The following ZFHX3 variants were observed in gnomAD, a reference collection of about 807,000 sequenced individuals.
The protein encoded by ZFHX3 is zinc finger homeobox 3.
A neutral mutation model predicts 279.1 loss-of-function variants in ZFHX3; 42 were observed. The ratio of observed to expected loss-of-function variants is 0.15; its 90% CI spans 0.12 to 0.19. ZFHX3 has a LOEUF of 0.19. ZFHX3 is among the 10% of genes least tolerant of loss of function. The probability of loss-of-function intolerance (pLI) is 1.00; values close to 1 mark genes in which losing one functional copy is unlikely to be tolerated. For missense variants in ZFHX3, 4,981 were observed against 4,754.0 expected, an observed-to-expected ratio of 1.05 and a Z score of -1.40; for synonymous variants, 2,293 against 1,957.8, an observed-to-expected ratio of 1.17 and a Z score of -4.52.
chr16:73,607,037 T>G (rs1420055369), intron 2 of ZFHX3, among the ~76,000 whole-genome samples: 2 of 152,090 alleles, frequency 1.3e-5, no homozygotes, highest in African/African-American at 4.8e-5. Flanking sequence ...GATCTCTCTC[T>G]GCTTTTTTTT....
chr16:73,317,394 G>C (rs1177713617), intron 4 of ZFHX3, among the ~76,000 whole-genome samples: 1 of 152,088 alleles, frequency 6.6e-6, no homozygotes, highest in African/African-American at 2.4e-5. Context: ...AGCCATCGCT[G>C]GGCCCTTCCC....
At chr16:73,021,464 C>A (rs1482178704) in intron 1 of ZFHX3, among the ~76,000 whole-genome samples, 1 of 152,150 alleles carries the variant, frequency 6.6e-6, no homozygotes, top group African/African-American at 2.4e-5. Context: ...CAGAACATGG[C>A]CTTATTTGGA....
intron 2 of ZFHX3, among the ~76,000 whole-genome samples, chr16:73,494,353 G>C (rs575725611): frequency 6.6e-6 from 1 of 152,128 alleles, no homozygotes; most frequent in African/African-American, 2.4e-5. Context: ...AAAGGAAAGC[G>C]AGTGGAAACA....
intron 1 of ZFHX3, among the ~76,000 whole-genome samples, chr16:73,790,287 G>A (rs549995057): frequency 6.7e-5 from 10 of 149,686 alleles, no homozygotes; most frequent in African/African-American, 9.8e-5. Flanking sequence ...TTCATTTTTG[G>A]AAACCGTCAT....
chr16:73,662,231 C>G (rs1004188805), intron 2 of ZFHX3, among the ~76,000 whole-genome samples: 2 of 152,138 alleles, frequency 1.3e-5, no homozygotes, highest in Admixed American at 6.6e-5. Context: ...AGCATTATAA[C>G]CAATTATTAG....
At chr16:73,092,973 G>A (rs757269382) in intron 8 of ZFHX3, 1 of 520,076 alleles carries the variant, frequency 1.9e-6, no homozygotes, top group Admixed American at 1.9e-5. Context: ...TGCTCTGTGT[G>A]CCCTTCCTGG....
intron 4 of ZFHX3, among the ~76,000 whole-genome samples, chr16:73,265,340 T>G (rs1404855296): frequency 6.6e-6 from 1 of 152,090 alleles, no homozygotes; most frequent in Non-Finnish European, 1.5e-5. Flanking sequence ...GGAGCCATGC[T>G]GGTGGGAGGA....
At chr16:73,870,064 A>T (rs1962122317) in intron 1 of ZFHX3, among the ~76,000 whole-genome samples, 1 of 152,200 alleles carries the variant, frequency 6.6e-6, no homozygotes, top group African/African-American at 2.4e-5. Context: ...TTATTGAGCT[A>T]TTTCTGAATA....
chr16:73,305,964 G>C (rs1341465795), intron 4 of ZFHX3, among the ~76,000 whole-genome samples: 1 of 152,162 alleles, frequency 6.6e-6, no homozygotes, highest in Non-Finnish European at 1.5e-5. Flanking sequence ...TGCCAACTGT[G>C]AAACAGACAG....
intron 2 of ZFHX3, chr16:73,609,175 G>A (rs927128092): frequency 6.6e-6 from 1 of 152,108 alleles, no homozygotes; most frequent in East Asian, 1.9e-4. Flanking sequence ...CTGACTTAAC[G>A]CCATTTCAGA....
At chr16:73,142,320 T>C (rs1182492376) in intron 6 of ZFHX3, among the ~76,000 whole-genome samples, 1 of 152,224 alleles carries the variant, frequency 6.6e-6, no homozygotes, top group Admixed American at 6.5e-5. Flanking sequence ...ACTGGGCATG[T>C]TGTTTTAATA....
At chr16:73,054,386 T>C (rs1965506441) in intron 1 of ZFHX3, among the ~76,000 whole-genome samples, 1 of 138,088 alleles carries the variant, frequency 7.2e-6, no homozygotes, top group African/African-American at 2.7e-5. Context: ...CCCTACTTTC[T>C]GACGTGCAAT....
chr16:73,606,899 A>G lies in ZFHX3; in HGVS notation c.-1547+73281T>C, dbSNP rs187221515. 3.3e-5 allele frequency among the ~76,000 whole-genome samples: 5 copies of G among 152,300 alleles called. No individual in the cohort carries two copies. In the East Asian group the frequency reaches 9.7e-4, roughly 29 times the overall value. ...CTTCCAATTCTATCCATGTCCCTGCAAAGGATAAGAACTCGGCTGGGCACA... is the reference window on the plus strand; with the variant it reads ...CTTCCAATTCTATCCATGTCCCTGCGAAGGATAAGAACTCGGCTGGGCACA... On this transcript the variant is annotated intron_variant, in intron 2 of 17. Coordinates refer to the ZFHX3 transcript ENST00000641206.
chr16:72,848,538 C>A (rs2143823783), intron 4 of ZFHX3, among the ~76,000 whole-genome samples: 1 of 152,186 alleles, frequency 6.6e-6, no homozygotes, highest in Non-Finnish European at 1.5e-5. Context: ...AGTTCCAGGC[C>A]CTCTGGGCTG....
intron 5 of ZFHX3, among the ~76,000 whole-genome samples, chr16:73,175,553 G>A (rs547065773): frequency 2.0e-4 from 31 of 152,202 alleles, no homozygotes; most frequent in Admixed American, 2.6e-4. Context: ...GGAGGAGTAA[G>A]TGCATTAACA....
At chr16:73,050,884 A>G (rs2144726429), upstream of ZFHX3, among the ~76,000 whole-genome samples, 1 of 152,314 alleles carries the variant, frequency 6.6e-6, no homozygotes, top group East Asian at 1.9e-4. Flanking sequence ...TAAATCAGGG[A>G]GCGCTAACCC....
chr16:73,678,245 T>A (rs1052227577), intron 2 of ZFHX3, among the ~76,000 whole-genome samples: 3 of 152,148 alleles, frequency 2.0e-5, no homozygotes, highest in Non-Finnish European at 4.4e-5. Context: ...GTGAACAGCA[T>A]GCAGTGAGTA....
At chr16:73,019,489 G>A (rs1427414940) in intron 1 of ZFHX3, among the ~76,000 whole-genome samples, 3 of 152,082 alleles carry the variant, frequency 2.0e-5, no homozygotes, top group East Asian at 1.9e-4. Context: ...GGTGCCCACC[G>A]GAAACCCCTG....
intron 7 of ZFHX3, among the ~76,000 whole-genome samples, chr16:73,113,827 C>T (rs1227825276): frequency 2.5e-5 from 3 of 118,968 alleles, no homozygotes; most frequent in Non-Finnish European, 4.9e-5. Flanking sequence ...CAGAGTCTTG[C>T]TGTGTCACCC....
Sources: allele counts gnomAD v4.1 joint callset (sites outside exome capture counted in the v4.1 genomes callset), GRCh38; gene constraint gnomAD v4.1.1; transcripts MANE v1.5; gene names NCBI Gene and HGNC (gene_info 2026-07-23, HGNC 2026-07-21).